The following RAI14 variants were observed in gnomAD, a reference collection of about 807,000 sequenced individuals.
RAI14 encodes ankycorbin.
A neutral mutation model predicts 115.4 loss-of-function variants in RAI14; 45 were observed. That is an observed-to-expected ratio of 0.39 (90% CI 0.31 to 0.50). The LOEUF (loss-of-function observed/expected upper bound fraction) is 0.50. RAI14 is among the 20% of genes least tolerant of loss of function. RAI14 has a pLI of 0.85. For synonymous variants in RAI14, 371 were observed against 415.4 expected (o/e 0.89, Z 1.30); for missense variants, 939 against 1,131.2 (o/e 0.83, Z 2.44).
At chr5:34,704,162 C>T (rs1278229737) in intron 2 of RAI14, among the ~76,000 whole-genome samples, 1 of 152,184 alleles carries the variant, frequency 6.6e-6, no homozygotes, top group Non-Finnish European at 1.5e-5. Context: ...GCCCTCATTA[C>T]AATACCAGGA....
At chr5:34,777,007 A>T (rs1750942262) in intron 3 of RAI14, among the ~76,000 whole-genome samples, 1 of 151,716 alleles carries the variant, frequency 6.6e-6, no homozygotes. Context: ...CATCTCTACT[A>T]AAAAAATACA....
intron 5 of RAI14, among the ~76,000 whole-genome samples, chr5:34,806,901 T>C (rs1328175335): frequency 6.6e-6 from 1 of 152,236 alleles, no homozygotes; most frequent in Non-Finnish European, 1.5e-5. Flanking sequence ...AGTTTGAATC[T>C]TGGCTCTGCC....
intron 2 of RAI14, chr5:34,728,721 C>G (rs1356766077): frequency 6.6e-6 from 1 of 151,596 alleles, no homozygotes; most frequent in Non-Finnish European, 1.5e-5. Context: ...TCTTTATTAG[C>G]AGCATGAAAA....
At chr5:34,792,212 T>G (rs1206315618) in intron 3 of RAI14, among the ~76,000 whole-genome samples, 1 of 151,472 alleles carries the variant, frequency 6.6e-6, no homozygotes, top group African/African-American at 2.4e-5. Flanking sequence ...GTTTTTCCCT[T>G]TCCTGCTTTT....
intron 2 of RAI14, among the ~76,000 whole-genome samples, chr5:34,752,699 A>ATG (rs1491205967): frequency 3.9e-5 from 2 of 51,380 alleles, no homozygotes; most frequent in African/African-American, 1.3e-4. Context: ...TATTTCTTAC[A>ATG]TATATGTGTG....
At chr5:34,806,565 G>A (rs336465) in intron 5 of RAI14, among the ~76,000 whole-genome samples, 51,738 of 151,824 alleles carry the variant, frequency 0.34, 10,827 homozygotes, top group African/African-American at 0.58. Context: ...GGAGAAAAAA[G>A]TTGACAGGGC....
chr5:34,823,193 G>C lies in RAI14; in HGVS notation c.1351G>C (p.Glu451Gln). 1 of 1,614,072 alleles carries C rather than the reference G, an allele frequency of 6.2e-7. No individual in the cohort carries two copies. Among genetic ancestry groups the C allele is most frequent in the African/African-American group, 1.3e-5 (1 of 75,074 alleles). Residue 451 changes from glutamate (E) to glutamine (Q), a missense_variant, in exon 15 of 18, where the codon GAG (glutamate) becomes CAG (glutamine). Glu to Gln is a conservative substitution (Grantham distance 29). Coordinates refer to ENST00000265109, the MANE Select transcript of RAI14 (RefSeq NM_015577.3). The surrounding 1 kb of genome is among the most constrained non-coding windows in gnomAD (Gnocchi z 4.5). ...LQKRLESSEA[E>Q]RKQLQVELQS... ...GAAGAGATTAGAGAGCTCTGAAGCA[G>C]AGAGAAAACAGCTACAGGTCGAACT...
chr5:34,701,986 G>A (rs969155700), intron 2 of RAI14, among the ~76,000 whole-genome samples: 1 of 151,860 alleles, frequency 6.6e-6, no homozygotes. Flanking sequence ...CTAATTTTTT[G>A]TATTTTTAGT....
intron 2 of RAI14, among the ~76,000 whole-genome samples, chr5:34,729,451 A>G (rs1743902448): frequency 6.6e-6 from 1 of 152,190 alleles, no homozygotes; most frequent in Non-Finnish European, 1.5e-5. Context: ...AAAACACTAA[A>G]AATATTAAAA....
intron 16 of RAI14, among the ~76,000 whole-genome samples, chr5:34,826,816 A>G (rs946943393): frequency 5.9e-5 from 9 of 152,064 alleles, no homozygotes; most frequent in Admixed American, 5.2e-4. Context: ...CAGTGGCAAG[A>G]GCTTTTTCTT....
chr5:34,709,253 G>A (rs1193088037), intron 2 of RAI14, among the ~76,000 whole-genome samples: 1 of 152,004 alleles, frequency 6.6e-6, no homozygotes, highest in Non-Finnish European at 1.5e-5. Flanking sequence ...TTTGAGACCA[G>A]TCTGGCCAAC....
chr5:34,798,629 C>G (rs1469690861), intron 4 of RAI14, among the ~76,000 whole-genome samples: 1 of 152,052 alleles, frequency 6.6e-6, no homozygotes, highest in Non-Finnish European at 1.5e-5. Flanking sequence ...CTCATAACAC[C>G]CTGTGGGTAG....
intron 2 of RAI14, among the ~76,000 whole-genome samples, chr5:34,743,844 A>G (rs931023968): frequency 1.3e-5 from 2 of 152,156 alleles, no homozygotes; most frequent in African/African-American, 2.4e-5. Context: ...GCACTCACGT[A>G]GAATTTATAA....
In RAI14 at chr5:34,795,899, G is replaced by A. The variant is rs1458265762; in HGVS notation, c.168-40G>A. 3.3e-6 allele frequency: 5 copies of A among 1,530,864 alleles called. No homozygotes were observed. In the African/African-American group the frequency reaches 5.5e-5, roughly 17 times the overall value. The allele number at this position is 1,530,864 out of a possible 1,614,324, so 94.8% of individuals were successfully genotyped here. ...CTCTGTTGGAGATGAACATTAAAGA[G>A]TAGAAATCTCAAGGAGATTGTGTTT... On this transcript the variant is annotated intron_variant, in intron 3 of 17. Transcript: ENST00000265109.
At chr5:34,824,946 CAAAAAAAAAAAAA>C (rs1174399473) in intron 15 of RAI14, among the ~76,000 whole-genome samples, 2 of 66,556 alleles carry the variant, frequency 3.0e-5, no homozygotes, top group African/African-American at 6.4e-5. Context: ...GACTTCATCT[CAAAAAAAAAAAAA>C]AAAAAAAAAG....
chr5:34,813,692 A>C, intron 11 of RAI14, 32 bp downstream of exon 11: 1 of 1,521,032 alleles, frequency 6.6e-7, no homozygotes, highest in Non-Finnish European at 9.1e-7. Context: ...CAATCAATAA[A>C]CGCACCACAA....
chr5:34,692,244 C>G (rs1579925584), intron 2 of RAI14, among the ~76,000 whole-genome samples: 1 of 149,484 alleles, frequency 6.7e-6, no homozygotes, highest in Admixed American at 6.8e-5. Context: ...GCCTGGGCGA[C>G]AGAGCGAAAC....
At chr5:34,762,928 CATGTGTGTGTGT>C (rs945326223) in intron 3 of RAI14, among the ~76,000 whole-genome samples, 5 of 98,926 alleles carry the variant, frequency 5.1e-5, no homozygotes, top group African/African-American at 1.5e-4. Context: ...GGAGTGTGTG[CATGTGTGTGTGT>C]GTGTGTGTGT....
At position 34,824,102 on chromosome 5, in the gene RAI14, C is replaced by T; in HGVS notation, c.2260C>T (p.Leu754Phe). 6.2e-7 allele frequency: 1 copy of T among 1,614,140 alleles called. No homozygotes were observed. Among genetic ancestry groups the T allele is most frequent in the Non-Finnish European group, 8.5e-7 (1 of 1,179,990 alleles). ...AGAGATGGAAGAAAAAATAAGCAAT[C>T]TTAAGGAACACCTTGCAAGCAAGGA... ...AKEMEEKISNLKEHLASKEVE... is the reference protein window; with the variant it reads ...AKEMEEKISNFKEHLASKEVE... Residue 754 changes from leucine (L) to phenylalanine (F), a missense_variant, in exon 15 of 18, where the codon CTT (leucine) becomes TTT (phenylalanine). Leu to Phe is a conservative substitution (Grantham distance 22). Coordinates refer to ENST00000265109, the MANE Select transcript of RAI14 (RefSeq NM_015577.3).
Sources: gnomAD v4.1 joint callset for allele counts (sites outside exome capture counted in the v4.1 genomes callset) on GRCh38, gnomAD v4.1.1 for gene constraint, Gnocchi (gnomAD v3.1) non-coding constraint, MANE v1.5 for transcripts, NCBI Gene and HGNC (gene_info 2026-07-23, HGNC 2026-07-21) for gene names.